The following CCSER1 variants were observed in gnomAD, a reference collection of about 807,000 sequenced individuals.
CCSER1 encodes the protein serine-rich coiled-coil domain-containing protein 1.
CCSER1 carries 41 observed loss-of-function variants against 82.0 expected under a neutral mutation model. The ratio of observed to expected loss-of-function variants is 0.50; its 90% CI spans 0.39 to 0.65. The LOEUF is 0.65. CCSER1 is among the 30% of genes least tolerant of loss of function. The pLI, the probability that CCSER1 is intolerant of heterozygous loss-of-function variation, is 0.00. For synonymous variants in CCSER1, 414 were observed against 383.9 expected (o/e 1.08, Z -0.92); for missense variants, 1,119 against 1,064.2 (o/e 1.05, Z -0.72).
At chr4:90,281,144 G>A (rs1329552979) in intron 1 of CCSER1, among the ~76,000 whole-genome samples, 1 of 152,004 alleles carries the variant, frequency 6.6e-6, no homozygotes, top group African/African-American at 2.4e-5. Flanking sequence ...GTCCTTTGCA[G>A]CAATAGGGAT....
intron 1 of CCSER1, among the ~76,000 whole-genome samples, chr4:90,150,412 G>A (rs566604834): frequency 2.6e-5 from 4 of 152,180 alleles, no homozygotes; most frequent in African/African-American, 7.2e-5. Flanking sequence ...GAATTCCTAC[G>A]TAGTTATTAG....
chr4:91,369,983 C>T (rs1436704495), intron 10 of CCSER1, among the ~76,000 whole-genome samples: 1 of 151,910 alleles, frequency 6.6e-6, no homozygotes, highest in East Asian at 1.9e-4. Context: ...CCCAGCCAGT[C>T]AGTAGCTTTT....
At chr4:91,012,602 G>C (rs1230544978) in intron 9 of CCSER1, among the ~76,000 whole-genome samples, 36 of 151,498 alleles carry the variant, frequency 2.4e-4, no homozygotes, top group Non-Finnish European at 1.5e-5. Context: ...GGGATGTCAG[G>C]CCACTGGGCC....
chr4:91,569,512 C>T (rs1358612028), intron 10 of CCSER1, among the ~76,000 whole-genome samples: 3 of 152,144 alleles, frequency 2.0e-5, no homozygotes, highest in African/African-American at 7.2e-5. Context: ...CACAATTCCA[C>T]ATGGCTGGGG....
At chr4:91,412,796 GCTACA>G (rs1753136225) in intron 10 of CCSER1, among the ~76,000 whole-genome samples, 1 of 152,030 alleles carries the variant, frequency 6.6e-6, no homozygotes, top group African/African-American at 2.4e-5. Context: ...CCTACACAAG[GCTACA>G]CAGATAATGA....
chr4:91,546,567 A>T (rs1478605376), intron 10 of CCSER1, among the ~76,000 whole-genome samples: 1 of 151,992 alleles, frequency 6.6e-6, no homozygotes, highest in Non-Finnish European at 1.5e-5. Context: ...TGTAATGTTT[A>T]TGTGTTCTGT....
At chr4:91,098,965 TC>T (rs368827227) in intron 10 of CCSER1, among the ~76,000 whole-genome samples, 24 of 152,340 alleles carry the variant, frequency 1.6e-4, no homozygotes, top group African/African-American at 5.8e-4. Flanking sequence ...GCACTATTGT[TC>T]CCTTAAGGTC....
chr4:90,910,795 T>C (rs1726213951), intron 8 of CCSER1, among the ~76,000 whole-genome samples: 1 of 152,208 alleles, frequency 6.6e-6, no homozygotes, highest in Non-Finnish European at 1.5e-5. Context: ...TTTGTCCTTT[T>C]CTGCAATTTT....
Position 91,275,092 on chromosome 4 carries a change from C to T in CCSER1, c.2217+189098C>T, listed in dbSNP as rs909522032. Among the ~76,000 whole-genome samples, 93 of 151,258 alleles carry T rather than the reference C, an allele frequency of 6.1e-4. 1 individual carries two copies. Among genetic ancestry groups the T allele is most frequent in the African/African-American group, 2.1e-3 (86 of 41,154 alleles). On this transcript the variant is annotated intron_variant, in intron 10 of 10. Transcript: ENST00000509176. Reference sequence around the variant, plus strand: ...CTGCACTCCAGCCTGGGTGACAGAGCGAGACTCCGTCTAAAAAAAAAAAAG... The same window carrying T: ...CTGCACTCCAGCCTGGGTGACAGAGTGAGACTCCGTCTAAAAAAAAAAAAG...
At position 91,602,340 on chromosome 4, in the gene CCSER1, G is replaced by A. The variant is rs2110368466; in HGVS notation, c.*3283G>A. On this transcript the variant is annotated 3_prime_UTR_variant, in exon 11 of 11. Coordinates refer to ENST00000509176, the MANE Select transcript of CCSER1 (RefSeq NM_001145065.2). ...TTTGTTTTCTTTGTCTTGTTTAATA[G>A]AGATAATAACCATACACCCCTCTCC... Among the ~76,000 whole-genome samples, 1 of 151,918 alleles carries A rather than the reference G, an allele frequency of 6.6e-6. No homozygotes were observed. The highest frequency in any genetic ancestry group is 1.9e-4 in the East Asian group (1 of 5,178).
chr4:90,901,430 T>A (rs1417217250), intron 8 of CCSER1, among the ~76,000 whole-genome samples: 6 of 152,066 alleles, frequency 3.9e-5, no homozygotes, highest in African/African-American at 1.2e-4. Flanking sequence ...GCAAGTATTG[T>A]CCTTTCATTT....
intron 4 of CCSER1, among the ~76,000 whole-genome samples, chr4:90,466,464 A>T (rs1453013651): frequency 3.3e-5 from 5 of 152,182 alleles, no homozygotes; most frequent in Admixed American, 6.5e-5. Context: ...AACCTGAGTA[A>T]GTCTGGAAGT....
At chr4:90,576,817 C>T (rs1203423486) in intron 5 of CCSER1, among the ~76,000 whole-genome samples, 1 of 152,204 alleles carries the variant, frequency 6.6e-6, no homozygotes, top group East Asian at 1.9e-4. Flanking sequence ...TTATAAATAA[C>T]GTTTCTATAA....
intron 10 of CCSER1, among the ~76,000 whole-genome samples, chr4:91,326,280 A>G (rs889543369): frequency 6.6e-6 from 1 of 152,206 alleles, no homozygotes; most frequent in Admixed American, 6.5e-5. Flanking sequence ...GCTGTACAGA[A>G]AGCATGACTG....
intron 10 of CCSER1, among the ~76,000 whole-genome samples, chr4:91,349,114 A>G (rs561564833): frequency 7.9e-5 from 12 of 152,100 alleles, no homozygotes; most frequent in Admixed American, 3.3e-4. Flanking sequence ...TCACCGTGTT[A>G]GCCAGGATGG....
intron 4 of CCSER1, among the ~76,000 whole-genome samples, chr4:90,412,788 A>G (rs1755091998): frequency 6.6e-6 from 1 of 152,170 alleles, no homozygotes. Context: ...TGACAGACCC[A>G]CAGACAACAT....
chr4:90,237,506 T>G (rs1705141781), intron 1 of CCSER1, among the ~76,000 whole-genome samples: 1 of 152,164 alleles, frequency 6.6e-6, no homozygotes, highest in African/African-American at 2.4e-5. Flanking sequence ...CCAAGAAAAT[T>G]TTAAAAGATT....
chr4:90,689,582 A>G (rs13143178), intron 6 of CCSER1, among the ~76,000 whole-genome samples: 70,229 of 151,830 alleles, frequency 0.46, 16,649 homozygotes, highest in Middle Eastern at 0.58. Flanking sequence ...CTCAAAAATA[A>G]TTAGTAGTGT....
intron 10 of CCSER1, among the ~76,000 whole-genome samples, chr4:91,494,703 TA>T (rs1228069782): frequency 6.6e-6 from 1 of 151,816 alleles, no homozygotes; most frequent in Non-Finnish European, 1.5e-5. Context: ...TCTTTTGTAG[TA>T]ATGCTTAATC....
Sources: gnomAD v4.1 joint callset for allele counts (sites outside exome capture counted in the v4.1 genomes callset) on GRCh38, gnomAD v4.1.1 for gene constraint, MANE v1.5 for transcripts, NCBI Gene and HGNC (gene_info 2026-07-23, HGNC 2026-07-21) for gene names.